STRBP: variants seen among roughly 807,000 people sequenced by gnomAD.
STRBP encodes spermatid perinuclear RNA binding protein.
In STRBP, 13 loss-of-function variants were observed where a neutral mutation model predicts 80.1. That is an observed-to-expected ratio of 0.16 (90% CI 0.11 to 0.26). The LOEUF (loss-of-function observed/expected upper bound fraction) is 0.26, where lower values mean the gene tolerates loss of function less well. STRBP is among the 10% of genes least tolerant of loss of function. The pLI is 1.00. For synonymous variants in STRBP, 284 were observed against 291.2 expected, an observed-to-expected ratio of 0.98 and a Z score of 0.25; for missense variants, 485 against 815.2, an observed-to-expected ratio of 0.59 and a Z score of 4.93.
intron 2 of STRBP, among the ~76,000 whole-genome samples, chr9:123,203,379 G>A (rs946877557): frequency 2.6e-5 from 4 of 151,510 alleles, no homozygotes; most frequent in African/African-American, 4.8e-5. Flanking sequence ...TCTAAATTAC[G>A]TAACAGCATT....
At chr9:123,150,452 A>G (rs796416475) in intron 11 of STRBP, among the ~76,000 whole-genome samples, 13 of 152,318 alleles carry the variant, frequency 8.5e-5, no homozygotes, top group African/African-American at 3.1e-4. Flanking sequence ...CTGTAGTCCC[A>G]GCTACTCAGA....
At chr9:123,239,253 T>C (rs1323055536) in intron 1 of STRBP, among the ~76,000 whole-genome samples, 2 of 152,018 alleles carry the variant, frequency 1.3e-5, no homozygotes, top group African/African-American at 4.8e-5. Context: ...CGGGCGCCTG[T>C]AGTCCCAGCT....
At chr9:123,245,602 C>T (rs1293751877) in intron 1 of STRBP, among the ~76,000 whole-genome samples, 5 of 152,078 alleles carry the variant, frequency 3.3e-5, no homozygotes, top group African/African-American at 1.2e-4. Context: ...AGGATGGTCT[C>T]GATCTCCTGA....
In STRBP at chr9:123,258,638, T is replaced by C. The variant is rs535633149; in HGVS notation, c.-302+9798A>G. Among the ~76,000 whole-genome samples, 71 of 151,726 alleles carry C rather than the reference T, an allele frequency of 4.7e-4. 1 individual carries two copies. Among genetic ancestry groups the C allele is most frequent in the Non-Finnish European group, 9.0e-4 (61 of 67,852 alleles). ...CTAACACAGTGAAACCCTGTCTCTA[T>C]TAAAAATACAAAAAAATTAGCCAGG... is the stretch of plus-strand genomic sequence containing the variant. On this transcript the variant is annotated intron_variant, in intron 1 of 18. Coordinates refer to ENST00000348403, the MANE Select transcript of STRBP (RefSeq NM_018387.5).
intron 2 of STRBP, chr9:123,116,209 G>A (rs4836912): frequency 0.072 from 30,023 of 417,812 alleles, 3,807 homozygotes; most frequent in East Asian, 0.54. Context: ...TTACTGTGAC[G>A]GTGATCCCAT....
rs931174122 is a variant in STRBP at position 123,176,104 on chromosome 9, T to C, written c.225-2262A>G. Among the ~76,000 whole-genome samples, 5 of 152,362 alleles carry C rather than the reference T, an allele frequency of 3.3e-5. No homozygotes were observed. The East Asian group carries it at 7.7e-4, about 23-fold the overall frequency. On this transcript the variant is annotated intron_variant, in intron 4 of 18. Transcript: ENST00000348403. Reference sequence around the variant, plus strand: ...TAGTGAGAATATATGTTAACAAACTTTGGCCAGAGCCCAACAGATATTAAC... The same window carrying C: ...TAGTGAGAATATATGTTAACAAACTCTGGCCAGAGCCCAACAGATATTAAC...
chr9:123,118,587 T>G (rs926419808), downstream of STRBP, among the ~76,000 whole-genome samples: 4 of 152,210 alleles, frequency 2.6e-5, no homozygotes, highest in African/African-American at 7.2e-5. Context: ...AGGCAAAGAC[T>G]CCACCAAACA....
intron 4 of STRBP, among the ~76,000 whole-genome samples, chr9:123,175,682 T>C (rs1293263352): frequency 1.3e-5 from 2 of 152,210 alleles, no homozygotes; most frequent in Non-Finnish European, 2.9e-5. Flanking sequence ...AAGTCTAATA[T>C]TGTAATGGTT....
At chr9:123,160,267 C>T (rs902940419) in intron 8 of STRBP, 100 bp downstream of exon 8, 1 of 707,698 alleles carries the variant, frequency 1.4e-6, no homozygotes, top group Admixed American at 3.3e-5. Context: ...CATGCCTTAG[C>T]TAACTTAGGA....
chr9:123,158,511 G>T, intron 9 of STRBP, 82 bp from the exon 10 acceptor site: 1 of 1,199,430 alleles, frequency 8.3e-7, no homozygotes, highest in Non-Finnish European at 1.2e-6. Flanking sequence ...GATGGCTGGG[G>T]AGAATGAAGA....
chr9:123,257,286 A>G (rs1319804165), intron 1 of STRBP, among the ~76,000 whole-genome samples: 2 of 152,026 alleles, frequency 1.3e-5, no homozygotes, highest in Non-Finnish European at 2.9e-5. Flanking sequence ...TTTGTTTTCC[A>G]TGGCTGATAC....
At chr9:123,173,287 C>T (rs2038083738) in intron 5 of STRBP, among the ~76,000 whole-genome samples, 1 of 152,200 alleles carries the variant, frequency 6.6e-6, no homozygotes, top group Non-Finnish European at 1.5e-5. Context: ...ATGAAAGTCT[C>T]TCGTTGATAA....
In STRBP at chr9:123,256,482, T is replaced by A. The variant is rs1344007256; in HGVS notation, c.-302+11954A>T. On this transcript the variant is annotated intron_variant, in intron 1 of 18. Coordinates refer to ENST00000348403, the MANE Select transcript of STRBP (RefSeq NM_018387.5). Reference sequence around the variant, plus strand: ...CCAATTTATCAGAGGCTAATTGATATATACAACGGTTAAGTTCTTCTTGTC... The same window carrying A: ...CCAATTTATCAGAGGCTAATTGATAAATACAACGGTTAAGTTCTTCTTGTC... Among the ~76,000 whole-genome samples, 3 of 152,204 alleles carry A rather than the reference T, an allele frequency of 2.0e-5. No individual in the cohort carries two copies. In the East Asian group the frequency reaches 5.8e-4, roughly 29 times the overall value.
chr9:123,237,817 C>CT (rs2040601524), intron 1 of STRBP, among the ~76,000 whole-genome samples: 1 of 152,184 alleles, frequency 6.6e-6, no homozygotes, highest in South Asian at 2.1e-4. Flanking sequence ...CAGGCACAAG[C>CT]TTTTAATGCC....
intron 6 of STRBP, chr9:123,168,348 A>G (rs2037858919): frequency 4.1e-6 from 1 of 245,712 alleles, no homozygotes; most frequent in African/African-American, 2.3e-5. Flanking sequence ...CATAGGCATA[A>G]GCTCAATTAT....
At chr9:123,156,791 T>C (rs2037305928) in intron 11 of STRBP, among the ~76,000 whole-genome samples, 1 of 152,056 alleles carries the variant, frequency 6.6e-6, no homozygotes, top group African/African-American at 2.4e-5. Flanking sequence ...ATAAACAGAC[T>C]GGGCAACTGC....
chr9:123,184,004 T>A (rs2038598723), intron 3 of STRBP, 128 bp downstream of exon 3: 1 of 766,984 alleles, frequency 1.3e-6, no homozygotes, highest in South Asian at 2.0e-5. Flanking sequence ...GAGTGCCATC[T>A]TTATATGACA....
Position 123,158,414 on chromosome 9 carries a change from T to C in STRBP, c.851A>G (p.His284Arg), listed in dbSNP as rs1564248169. 6.2e-7 allele frequency: 1 copy of C among 1,613,472 alleles called. No homozygotes were observed. Among genetic ancestry groups the C allele is most frequent in the Non-Finnish European group, 8.5e-7 (1 of 1,179,588 alleles). Residue 284 changes from histidine (H) to arginine (R), a missense_variant, in exon 10 of 19, where the codon CAT (histidine) becomes CGT (arginine). Transcript: ENST00000348403. ...GILLPGGPGL[H>R]DPCERDPTDA... Reference sequence around the variant, plus strand: ...TGTTGGGTCTCGCTCACAAGGATCATGAAGACCAGGACCCCCTTTGGCAAA... The same window carrying C: ...TGTTGGGTCTCGCTCACAAGGATCACGAAGACCAGGACCCCCTTTGGCAAA...
intron 1 of STRBP, among the ~76,000 whole-genome samples, chr9:123,241,282 C>G (rs1455462377): frequency 2.0e-5 from 3 of 151,994 alleles, no homozygotes; most frequent in Middle Eastern, 3.4e-3. Flanking sequence ...CAGCAGAATC[C>G]CTAGAGTCTA....
Sources: gnomAD v4.1 joint callset for allele counts (sites outside exome capture counted in the v4.1 genomes callset) on GRCh38, gnomAD v4.1.1 for gene constraint, MANE v1.5 for transcripts, NCBI Gene and HGNC (gene_info 2026-07-23, HGNC 2026-07-21) for gene names.